RGS7: variants seen among roughly 807,000 people sequenced by gnomAD.
RGS7 encodes regulator of G-protein signaling 7.
RGS7 carries 27 observed loss-of-function variants against 81.1 expected under a neutral mutation model. The observed-to-expected ratio is 0.33, with a 90% CI of 0.25 to 0.46. RGS7 has a LOEUF of 0.46. RGS7 is among the 20% of genes least tolerant of loss of function. The pLI is 1.00. For missense variants in RGS7, 396 were observed against 607.4 expected (o/e 0.65, Z 3.66); for synonymous variants, 208 against 207.7 (o/e 1.00, Z -0.01).
At chr1:241,281,248 GA>G (rs2078491332) in intron 2 of RGS7, among the ~76,000 whole-genome samples, 1 of 152,164 alleles carries the variant, frequency 6.6e-6, no homozygotes, top group Non-Finnish European at 1.5e-5. Context: ...CAAACTTAAA[GA>G]TGCAGTATTA....
rs376687187 is a variant in RGS7 at position 241,040,545 on chromosome 1, A to G, written c.176-57416T>C. 1.6e-4 allele frequency among the ~76,000 whole-genome samples: 24 copies of G among 152,126 alleles called. No homozygotes were observed. The East Asian group carries it at 4.4e-3, about 28-fold the overall frequency. ...AGACTGAGTTTCGCTCTTGTTGCCC[A>G]GGCTGGAGTGCAGTGGCGCGATCTC... On this transcript the variant is annotated intron_variant, in intron 3 of 18. Transcript: ENST00000440928.
chr1:240,888,295 T>A (rs1667713382), intron 6 of RGS7, among the ~76,000 whole-genome samples: 1 of 152,154 alleles, frequency 6.6e-6, no homozygotes, highest in Non-Finnish European at 1.5e-5. Flanking sequence ...TACAAAGAAT[T>A]TCAAGAATCC....
At chr1:241,351,255 G>GA (rs917488591) in intron 2 of RGS7, among the ~76,000 whole-genome samples, 1 of 151,514 alleles carries the variant, frequency 6.6e-6, no homozygotes, top group African/African-American at 2.4e-5. Context: ...CCCATCTCTA[G>GA]AAAAAACAAA....
At chr1:240,948,387 T>C (rs546355498) in intron 4 of RGS7, among the ~76,000 whole-genome samples, 15 of 152,272 alleles carry the variant, frequency 9.9e-5, no homozygotes, top group Non-Finnish European at 1.8e-4. Context: ...TAGCACAAAT[T>C]CTTAGAAATA....
intron 9 of RGS7, among the ~76,000 whole-genome samples, chr1:240,830,992 ATTAT>A (rs1693735788): frequency 6.6e-6 from 1 of 152,226 alleles, no homozygotes; most frequent in South Asian, 2.1e-4. Flanking sequence ...ACTTGAGCCA[ATTAT>A]TAACACCACT....
At chr1:240,885,556 C>T (rs960235498) in intron 6 of RGS7, among the ~76,000 whole-genome samples, 14 of 152,194 alleles carry the variant, frequency 9.2e-5, no homozygotes, top group South Asian at 4.1e-4. Flanking sequence ...TCATGGGATA[C>T]GATGCAGCCA....
intron 2 of RGS7, among the ~76,000 whole-genome samples, chr1:241,230,066 GTT>G (rs34312400): frequency 4.7e-5 from 7 of 149,850 alleles, no homozygotes; most frequent in African/African-American, 1.2e-4. Context: ...TTATATTTAA[GTT>G]TTTTTTTTTC....
chr1:241,350,444 C>A (rs1474375975), intron 2 of RGS7, among the ~76,000 whole-genome samples: 1 of 152,124 alleles, frequency 6.6e-6, no homozygotes, highest in Non-Finnish European at 1.5e-5. Context: ...CCCATCTGAG[C>A]CCTTAATTTA....
chr1:240,830,142 G>C (rs977785353), intron 9 of RGS7, among the ~76,000 whole-genome samples: 22 of 152,156 alleles, frequency 1.4e-4, no homozygotes, highest in Non-Finnish European at 2.4e-4. Context: ...TATCATATGG[G>C]TGTTAGCAAG....
At chr1:241,114,448 A>G (rs954964251) in intron 2 of RGS7, among the ~76,000 whole-genome samples, 5 of 151,816 alleles carry the variant, frequency 3.3e-5, no homozygotes, top group Non-Finnish European at 7.4e-5. Context: ...TGCTGAATAC[A>G]TAGCCTTTCT....
At chr1:240,820,172 A>C (rs1163196014) in intron 10 of RGS7, among the ~76,000 whole-genome samples, 1 of 152,236 alleles carries the variant, frequency 6.6e-6, no homozygotes, top group Non-Finnish European at 1.5e-5. Flanking sequence ...AGGTAAGGTT[A>C]GAGAGGAAGA....
chr1:241,005,521 G>C (rs937573061), intron 3 of RGS7, among the ~76,000 whole-genome samples: 1 of 151,868 alleles, frequency 6.6e-6, no homozygotes, highest in Non-Finnish European at 1.5e-5. Context: ...ACTTGCTAGC[G>C]TCTGGCTTCT....
At chr1:240,835,936 T>C (rs1178849982) in intron 9 of RGS7, among the ~76,000 whole-genome samples, 1 of 151,942 alleles carries the variant, frequency 6.6e-6, no homozygotes, top group Admixed American at 6.6e-5. Flanking sequence ...TTGCCAAGGG[T>C]TGGGAATAAA....
intron 2 of RGS7, among the ~76,000 whole-genome samples, chr1:241,266,892 G>A (rs200084914): frequency 1.3e-5 from 2 of 151,974 alleles, no homozygotes; most frequent in Admixed American, 6.6e-5. Flanking sequence ...AAACCTCCTC[G>A]GATTCTGGAT....
intron 13 of RGS7, 126 bp from the exon 14 acceptor site, chr1:240,812,169 T>C: frequency 2.1e-6 from 2 of 949,532 alleles, no homozygotes; most frequent in African/African-American, 1.6e-5. Flanking sequence ...TTTAAAAATA[T>C]ATATATCCGA....
chr1:240,942,240 C>T (rs553642746), intron 4 of RGS7, among the ~76,000 whole-genome samples: 11 of 152,296 alleles, frequency 7.2e-5, no homozygotes, highest in African/African-American at 2.2e-4. Context: ...AGGATGAAAA[C>T]CACAGTATAA....
chr1:240,890,863 T>C (rs1488358059), intron 6 of RGS7, among the ~76,000 whole-genome samples: 1 of 152,220 alleles, frequency 6.6e-6, no homozygotes, highest in Non-Finnish European at 1.5e-5. Context: ...GTACAATCTC[T>C]GATCAAGGAC....
intron 4 of RGS7, among the ~76,000 whole-genome samples, chr1:240,970,039 TAGTTGATGCTC>T (rs1411272431): frequency 6.6e-6 from 1 of 152,258 alleles, no homozygotes; most frequent in Non-Finnish European, 1.5e-5. Flanking sequence ...GTTCAGCACA[TAGTTGATGCTC>T]AGTAAATGTG....
intron 2 of RGS7, among the ~76,000 whole-genome samples, chr1:241,121,192 G>GA (rs1364959855): frequency 1.3e-5 from 2 of 152,064 alleles, no homozygotes; most frequent in Admixed American, 6.5e-5. Flanking sequence ...AATATTGGGT[G>GA]AAAAAAAGTA....
Sources: gnomAD v4.1 joint callset for allele counts (sites outside exome capture counted in the v4.1 genomes callset) on GRCh38, gnomAD v4.1.1 for gene constraint, MANE v1.5 for transcripts, NCBI Gene and HGNC (gene_info 2026-07-23, HGNC 2026-07-21) for gene names.